COL10A1: variants seen among roughly 807,000 people sequenced by gnomAD.
COL10A1 encodes collagen alpha-1(X) chain.
Under a neutral mutation model 18.2 loss-of-function variants are expected in COL10A1, and 10 were observed. The ratio of observed to expected loss-of-function variants is 0.55; its 90% CI spans 0.34 to 0.93. COL10A1 has a LOEUF of 0.93. Ranked by LOEUF, COL10A1 falls within the 40% of genes least tolerant of loss-of-function variation. The probability of loss-of-function intolerance (pLI) is 0.02; values close to 1 mark genes in which losing one functional copy is unlikely to be tolerated. For synonymous variants in COL10A1, 330 were observed against 316.6 expected, an observed-to-expected ratio of 1.04 and a Z score of -0.45; for missense variants, 897 against 853.5, an observed-to-expected ratio of 1.05 and a Z score of -0.64.
At chr6:116,158,448 T>G (rs1780254051) in intron 1 of COL10A1, among the ~76,000 whole-genome samples, 1 of 152,204 alleles carries the variant, frequency 6.6e-6, no homozygotes, top group African/African-American at 2.4e-5. Flanking sequence ...AGATAAAAAC[T>G]TAGCAATCTT....
chr6:116,161,371 T>C (rs563442684), upstream of COL10A1, among the ~76,000 whole-genome samples: 2 of 151,578 alleles, frequency 1.3e-5, no homozygotes, highest in African/African-American at 4.8e-5. Flanking sequence ...AAAGATGCAT[T>C]GATATAACAA....
the COL10A1 span, among the ~76,000 whole-genome samples, chr6:116,188,609 T>G: frequency 6.6e-6 from 1 of 151,904 alleles, no homozygotes; most frequent in Non-Finnish European, 1.5e-5. Flanking sequence ...AATTAGGTAG[T>G]AAAGCCAGAA....
chr6:116,169,173 CT>C, the COL10A1 span, among the ~76,000 whole-genome samples: 1,305 of 152,264 alleles, frequency 8.6e-3, 16 homozygotes, highest in African/African-American at 0.029. Context: ...CTGGGTTTCT[CT>C]TTTCCTCAGC....
At chr6:116,155,786 G>A (rs1445436685) in intron 1 of COL10A1, among the ~76,000 whole-genome samples, 2 of 150,090 alleles carry the variant, frequency 1.3e-5, no homozygotes, top group Non-Finnish European at 3.0e-5. Context: ...GGAGGAAGTT[G>A]TGTGTGTACT....
intron 1 of COL10A1, among the ~76,000 whole-genome samples, chr6:116,136,524 A>G (rs939187458): frequency 3.3e-5 from 5 of 152,110 alleles, no homozygotes; most frequent in African/African-American, 1.2e-4. Context: ...ATCCAAGGTC[A>G]TTTAGCTGGT....
chr6:116,159,832 T>C (rs1303549856), upstream of COL10A1, among the ~76,000 whole-genome samples: 3 of 152,202 alleles, frequency 2.0e-5, no homozygotes, highest in Non-Finnish European at 4.4e-5. Context: ...TTTATGTCCA[T>C]GTGTACTTCA....
chr6:116,164,574 A>G, the COL10A1 span, among the ~76,000 whole-genome samples: 1 of 152,156 alleles, frequency 6.6e-6, no homozygotes, highest in Admixed American at 6.5e-5. Context: ...ATTTATGTTC[A>G]AGGTTAATAT....
chr6:116,183,819 C>A, the COL10A1 span, among the ~76,000 whole-genome samples: 1 of 151,864 alleles, frequency 6.6e-6, no homozygotes, highest in Admixed American at 6.6e-5. Context: ...TTAGGGTTTT[C>A]TAGGTATATG....
At position 116,120,786 on chromosome 6, in the gene COL10A1, C is replaced by T. The variant is rs767071838; in HGVS notation, c.1330G>A (p.Ala444Thr). The T allele has an allele frequency of 1.9e-5, 31 of 1,613,334 alleles. No homozygotes were observed. The highest frequency in any genetic ancestry group is 2.6e-5 in the Non-Finnish European group (31 of 1,179,852). ...CCTCTAGTACCTGGTATTCCAGGGG[C>T]ACCTCTTGGGCCAGCCTCTCCATTG... ...GHNGEAGPRG[A>T]PGIPGTRGPI... The change falls in exon 3 of 3, where the codon GCC (alanine) becomes ACC (threonine). Residue 444 changes from alanine (A) to threonine (T), a missense_variant. Ala to Thr is a moderately conservative substitution (Grantham distance 58). Coordinates refer to ENST00000651968, the MANE Select transcript of COL10A1 (RefSeq NM_000493.4).
chr6:116,175,324 A>AT, the COL10A1 span, among the ~76,000 whole-genome samples: 7 of 151,816 alleles, frequency 4.6e-5, no homozygotes. Context: ...TATTACTCAC[A>AT]TTTTTTCTCT....
intron 1 of COL10A1, among the ~76,000 whole-genome samples, chr6:116,155,817 G>T (rs761903031): frequency 9.9e-5 from 15 of 151,318 alleles, no homozygotes; most frequent in Non-Finnish European, 1.9e-4. Context: ...CATTTCCAGG[G>T]TATATGTTTT....
upstream of COL10A1, among the ~76,000 whole-genome samples, chr6:116,130,082 A>G (rs1005762115): frequency 1.3e-5 from 2 of 152,186 alleles, no homozygotes; most frequent in African/African-American, 4.8e-5. Flanking sequence ...ATTATAGGTT[A>G]TAAAATGATG....
At chr6:116,130,835 C>T (rs1194038621), upstream of COL10A1, among the ~76,000 whole-genome samples, 2 of 152,096 alleles carry the variant, frequency 1.3e-5, no homozygotes, top group East Asian at 3.9e-4. Context: ...ATGATACTCA[C>T]AATTTCTCAA....
the COL10A1 span, among the ~76,000 whole-genome samples, chr6:116,194,046 C>T: frequency 7.2e-5 from 11 of 151,760 alleles, no homozygotes; most frequent in African/African-American, 2.7e-4. Context: ...AACCCTGTCT[C>T]AACAACAACA....
At chr6:116,151,725 T>A (rs1167714107) in intron 1 of COL10A1, among the ~76,000 whole-genome samples, 1 of 152,246 alleles carries the variant, frequency 6.6e-6, no homozygotes, top group African/African-American at 2.4e-5. Context: ...GAATTAAGTA[T>A]GTTCATTTTA....
At chr6:116,184,683 A>C in the COL10A1 span, among the ~76,000 whole-genome samples, 1 of 152,076 alleles carries the variant, frequency 6.6e-6, no homozygotes, top group Non-Finnish European at 1.5e-5. Context: ...AGAGGTGTTC[A>C]TAGTAGCCTT....
At chr6:116,182,557 T>A in the COL10A1 span, among the ~76,000 whole-genome samples, 1 of 152,040 alleles carries the variant, frequency 6.6e-6, no homozygotes, top group African/African-American at 2.4e-5. Flanking sequence ...TATTTTTTTT[T>A]ATTTTTTGAT....
intron 1 of COL10A1, among the ~76,000 whole-genome samples, chr6:116,134,613 G>A (rs974081342): frequency 6.6e-6 from 1 of 152,136 alleles, no homozygotes; most frequent in Non-Finnish European, 1.5e-5. Context: ...AGGGCCATTC[G>A]CATGGTGCTG....
At chr6:116,139,754 A>C (rs199949978) in intron 1 of COL10A1, among the ~76,000 whole-genome samples, 2 of 152,132 alleles carry the variant, frequency 1.3e-5, no homozygotes, top group East Asian at 3.9e-4. Context: ...GGAATTTGAC[A>C]GTTTTTTGCT....
Sources: allele counts gnomAD v4.1 joint callset (sites outside exome capture counted in the v4.1 genomes callset), GRCh38; gene constraint gnomAD v4.1.1; transcripts MANE v1.5; gene names NCBI Gene and HGNC (gene_info 2026-07-23, HGNC 2026-07-21).